Variants in ADAM22 observed in about 807,000 individuals in gnomAD.
ADAM22 encodes disintegrin and metalloproteinase domain-containing protein 22.
ADAM22 carries 65 observed loss-of-function variants against 144.6 expected under a neutral mutation model. The ratio of observed to expected loss-of-function variants is 0.45; its 90% confidence interval spans 0.37 to 0.55. The LOEUF (loss-of-function observed/expected upper bound fraction) is 0.55. ADAM22 is among the 20% of genes least tolerant of loss of function. ADAM22 has a pLI of 0.00. For synonymous variants in ADAM22, 391 were observed against 412.6 expected (o/e 0.95, Z 0.63); for missense variants, 974 against 1,184.9 (o/e 0.82, Z 2.61).
At chr7:87,973,335 A>G (rs1314459780) in intron 2 of ADAM22, among the ~76,000 whole-genome samples, 1 of 152,230 alleles carries the variant, frequency 6.6e-6, no homozygotes, top group Non-Finnish European at 1.5e-5. Flanking sequence ...ACACATGGAG[A>G]AGTGCTCACC....
At chr7:88,070,038 C>G (rs746364651) in intron 3 of ADAM22, among the ~76,000 whole-genome samples, 2 of 152,010 alleles carry the variant, frequency 1.3e-5, no homozygotes, top group Non-Finnish European at 2.9e-5. Context: ...AGCTAGCTAT[C>G]TTTCTGGTCT....
At chr7:87,942,769 G>A (rs1015021258) in intron 2 of ADAM22, among the ~76,000 whole-genome samples, 8 of 152,050 alleles carry the variant, frequency 5.3e-5, no homozygotes, top group African/African-American at 1.7e-4. Flanking sequence ...CTCGTTCATC[G>A]TAAGTCACAT....
At chr7:88,138,225 A>G (rs1309351286) in intron 14 of ADAM22, among the ~76,000 whole-genome samples, 2 of 152,230 alleles carry the variant, frequency 1.3e-5, no homozygotes, top group Non-Finnish European at 2.9e-5. Flanking sequence ...AGGAAATGAT[A>G]AAAGTTCTAT....
chr7:88,114,225 C>T lies in ADAM22; in HGVS notation c.474-359C>T, dbSNP rs148314157. ...ATTTAAAATGCAATTTCCTGGGTTC[C>T]AGTCCATAAATCTGAGGAGAGTCCT... On this transcript the variant is annotated intron_variant, in intron 5 of 31. Coordinates refer to ENST00000413139, the MANE Select transcript of ADAM22 (RefSeq NM_001324418.2). Among the ~76,000 whole-genome samples the T allele has an allele frequency of 2.5e-3, 385 of 152,212 alleles. 2 individuals are homozygous for T. Among genetic ancestry groups the T allele is most frequent in the African/African-American group, 8.7e-3 (360 of 41,520 alleles).
chr7:87,944,449 A>T lies in ADAM22; in HGVS notation c.246+9263A>T, dbSNP rs141698207. Among the ~76,000 whole-genome samples, 423 of 152,192 alleles carry T rather than the reference A, an allele frequency of 2.8e-3. 2 individuals carry two copies. Among genetic ancestry groups the T allele is most frequent in the African/African-American group, 9.5e-3 (395 of 41,518 alleles). On this transcript the variant is annotated intron_variant, in intron 2 of 31. Transcript: ENST00000413139. ...CTAGTGGATTTTTAATGCCTTTGGG[A>T]TATCCTGTTAGTGTTCTGTTGAGGA...
At chr7:87,955,475 G>GTCTGATCGTTCC (rs1562845014) in intron 2 of ADAM22, among the ~76,000 whole-genome samples, 3 of 152,198 alleles carry the variant, frequency 2.0e-5, no homozygotes. Context: ...AAGTGCTGCT[G>GTCTGATCGTTCC]TCTGATCGTT....
chr7:87,977,862 A>C (rs1852263272), intron 2 of ADAM22, among the ~76,000 whole-genome samples: 1 of 152,230 alleles, frequency 6.6e-6, no homozygotes, highest in Non-Finnish European at 1.5e-5. Flanking sequence ...ATTATAAAGG[A>C]AATACTATTT....
chr7:88,045,104 G>T (rs1336008511), intron 3 of ADAM22, among the ~76,000 whole-genome samples: 2 of 150,168 alleles, frequency 1.3e-5, no homozygotes, highest in African/African-American at 4.9e-5. Flanking sequence ...TGCAACCTCC[G>T]CCTCCCGGGT....
rs1044134279 is a variant in ADAM22, at chr7:88,116,780, A to G, written c.573A>G (p.Arg191=). 1 of 1,613,550 alleles carries G rather than the reference A, an allele frequency of 6.2e-7. No individual in the cohort carries two copies. Among genetic ancestry groups the G allele is most frequent in the Non-Finnish European group, 8.5e-7 (1 of 1,179,700 alleles). ...ATTTTCATTCAGTTTACAAATCCAG[A>G]CTGTTTGAATTTTCCTTGGATGATC... ...DFHFHSVYKS[R]LFEFSLDDLP... Residue 191 remains arginine, a synonymous_variant, in exon 7 of 32, where the codon AGA becomes AGG. Coordinates refer to ENST00000413139, the MANE Select transcript of ADAM22 (RefSeq NM_001324418.2).
intron 3 of ADAM22, among the ~76,000 whole-genome samples, chr7:88,009,475 AAAG>A (rs1355288185): frequency 6.6e-6 from 1 of 152,180 alleles, no homozygotes; most frequent in African/African-American, 2.4e-5. Flanking sequence ...CAAAATTACA[AAAG>A]AAGTAGTCTT....
intron 3 of ADAM22, among the ~76,000 whole-genome samples, chr7:88,002,381 C>T (rs772769523): frequency 1.1e-4 from 16 of 152,216 alleles, no homozygotes; most frequent in Non-Finnish European, 2.2e-4. Flanking sequence ...ATGGCATGGC[C>T]CTTGGCTGAG....
chr7:87,998,183 C>A (rs1791681314), intron 3 of ADAM22, among the ~76,000 whole-genome samples: 1 of 152,140 alleles, frequency 6.6e-6, no homozygotes, highest in East Asian at 1.9e-4. Flanking sequence ...ACACTTGCAG[C>A]TGATTAGATG....
In ADAM22 at chr7:88,146,063, T is replaced by C. The variant is rs554518370; in HGVS notation, c.1485+556T>C. Among the ~76,000 whole-genome samples the C allele has an allele frequency of 9.2e-5, 14 of 152,252 alleles. No individual in the cohort carries two copies. The South Asian group carries it at 2.9e-3, about 32-fold the overall frequency. Reference sequence around the variant, plus strand: ...TTATGTTTTCATCCTCCCAGCAGCATCCTCATACCTATCTCCAAATATTTA... The same window carrying C: ...TTATGTTTTCATCCTCCCAGCAGCACCCTCATACCTATCTCCAAATATTTA... On this transcript the variant is annotated intron_variant, in intron 17 of 31. Transcript: ENST00000413139.
At chr7:88,015,878 A>AT (rs914149830) in intron 3 of ADAM22, among the ~76,000 whole-genome samples, 2 of 151,856 alleles carry the variant, frequency 1.3e-5, no homozygotes, top group African/African-American at 4.8e-5. Flanking sequence ...ATGTATTTAC[A>AT]TTTTTTAGTG....
intron 3 of ADAM22, among the ~76,000 whole-genome samples, chr7:88,037,344 T>C (rs1227851797): frequency 1.3e-5 from 2 of 152,158 alleles, no homozygotes; most frequent in Non-Finnish European, 1.5e-5. Flanking sequence ...TTTTAATTCT[T>C]ATTCTTCATT....
At chr7:87,958,521 G>A (rs1369404140) in intron 2 of ADAM22, among the ~76,000 whole-genome samples, 1 of 151,872 alleles carries the variant, frequency 6.6e-6, no homozygotes, top group Non-Finnish European at 1.5e-5. Flanking sequence ...GAGTAGCTGG[G>A]ATTACAGGCA....
chr7:88,142,875 C>A, intron 14 of ADAM22, 151 bp from the exon 15 acceptor site: 1 of 448,120 alleles, frequency 2.2e-6, no homozygotes, highest in Non-Finnish European at 4.0e-6. Context: ...CTGAACAAAA[C>A]TCTTATAGAT....
intron 3 of ADAM22, among the ~76,000 whole-genome samples, chr7:88,040,212 A>G (rs1232657847): frequency 1.3e-5 from 2 of 151,752 alleles, no homozygotes; most frequent in Middle Eastern, 3.4e-3. Flanking sequence ...GCTCACTACA[A>G]CCTCCATCTC....
intron 24 of ADAM22, among the ~76,000 whole-genome samples, chr7:88,166,924 A>C (rs537902717): frequency 6.6e-6 from 1 of 152,320 alleles, no homozygotes; most frequent in African/African-American, 2.4e-5. Flanking sequence ...GGGGGGGCAG[A>C]CATGCTAGGT....
Sources: gnomAD v4.1 joint callset for allele counts (sites outside exome capture counted in the v4.1 genomes callset) on GRCh38, gnomAD v4.1.1 for gene constraint, MANE v1.5 for transcripts, NCBI Gene and HGNC (gene_info 2026-07-23, HGNC 2026-07-21) for gene names.